Variants in TCF4 observed in about 807,000 individuals in gnomAD.
TCF4 encodes transcription factor 4.
A neutral mutation model predicts 82.1 loss-of-function variants in TCF4; 3 were observed. The ratio of observed to expected loss-of-function variants is 0.04; its 90% CI spans 0.02 to 0.09. The LOEUF is 0.09. Ranked by LOEUF, TCF4 falls within the 10% of genes least tolerant of loss-of-function variation. The pLI is 1.00. For missense variants in TCF4, 518 were observed against 852.7 expected, an observed-to-expected ratio of 0.61 and a Z score of 4.89; for synonymous variants, 276 against 309.6, an observed-to-expected ratio of 0.89 and a Z score of 1.14.
intron 10 of TCF4, among the ~76,000 whole-genome samples, chr18:55,270,575 C>G (rs1399403539): frequency 6.6e-6 from 1 of 152,110 alleles, no homozygotes; most frequent in Non-Finnish European, 1.5e-5. Flanking sequence ...AAATTAGGAC[C>G]ACATGACTTA....
chr18:55,395,249 G>C (rs1375721586), intron 6 of TCF4, among the ~76,000 whole-genome samples: 1 of 152,088 alleles, frequency 6.6e-6, no homozygotes, highest in Non-Finnish European at 1.5e-5. Context: ...AATTATATCA[G>C]ATACACCTCA....
intron 2 of TCF4, among the ~76,000 whole-genome samples, chr18:55,629,100 TA>T (rs201357784): frequency 0.012 from 1,789 of 152,254 alleles, 38 homozygotes; most frequent in African/African-American, 0.041. Flanking sequence ...AACAATCTTA[TA>T]AAAAATAATA....
chr18:55,534,828 G>GA (rs1435401349), intron 3 of TCF4, among the ~76,000 whole-genome samples: 3 of 152,310 alleles, frequency 2.0e-5, no homozygotes, highest in Admixed American at 2.0e-4. Flanking sequence ...GTGAATGAAT[G>GA]AAAAATATCA....
Position 55,635,172 on chromosome 18 carries a change from G to T in TCF4, c.195+531C>A, listed in dbSNP as rs1011537798. 7.2e-5 allele frequency among the ~76,000 whole-genome samples: 11 copies of T among 152,282 alleles called. No homozygotes were observed. The South Asian group carries it at 8.3e-4, about 11-fold the overall frequency. On this transcript the variant is annotated intron_variant, in intron 1 of 20. Coordinates refer to the TCF4 transcript ENST00000398339. Reference sequence around the variant, plus strand: ...AAGGAGACAGAGGAGCAGTGCAAAAGATTAGACAAGAGTCAACGCCTTGTA... The same window carrying T: ...AAGGAGACAGAGGAGCAGTGCAAAATATTAGACAAGAGTCAACGCCTTGTA...
intron 5 of TCF4, among the ~76,000 whole-genome samples, chr18:55,445,439 A>C (rs2095509317): frequency 6.6e-6 from 1 of 152,174 alleles, no homozygotes; most frequent in Non-Finnish European, 1.5e-5. Flanking sequence ...GGCGAAGAAG[A>C]AGCAAAAGCA....
intron 8 of TCF4, among the ~76,000 whole-genome samples, chr18:55,325,495 C>T (rs1216744265): frequency 1.3e-5 from 2 of 151,892 alleles, no homozygotes; most frequent in African/African-American, 4.8e-5. Flanking sequence ...ACCTAATGAA[C>T]ATCTACACAC....
At chr18:55,575,262 G>A (rs554298660) in intron 3 of TCF4, among the ~76,000 whole-genome samples, 1 of 152,308 alleles carries the variant, frequency 6.6e-6, no homozygotes, top group Admixed American at 6.5e-5. Flanking sequence ...GCATTCAATG[G>A]TTTGGGGCAC....
intron 3 of TCF4, among the ~76,000 whole-genome samples, chr18:55,560,995 T>C (rs2097350485): frequency 6.6e-6 from 1 of 152,280 alleles, no homozygotes; most frequent in African/African-American, 2.4e-5. Context: ...CTGGCTTTCA[T>C]TGCATGGCCC....
intron 12 of TCF4, 27 bp downstream of exon 12, chr18:55,261,439 T>A (rs777983917): frequency 3.2e-5 from 52 of 1,612,748 alleles, no homozygotes; most frequent in Non-Finnish European, 4.1e-5. Context: ...ATGGTACATA[T>A]GGAGTCCAAA....
intron 5 of TCF4, among the ~76,000 whole-genome samples, chr18:55,405,694 G>C (rs1262889387): frequency 2.0e-5 from 3 of 152,062 alleles, no homozygotes; most frequent in Admixed American, 1.3e-4. Flanking sequence ...AAAGGAGAGA[G>C]AGAATAAGTA....
chr18:55,623,472 T>A (rs1315904075), intron 2 of TCF4, among the ~76,000 whole-genome samples: 1 of 152,234 alleles, frequency 6.6e-6, no homozygotes, highest in Non-Finnish European at 1.5e-5. Context: ...ACTGTATATA[T>A]GTTTTTACAA....
chr18:55,318,631 T>C (rs969768527), intron 8 of TCF4, among the ~76,000 whole-genome samples: 1 of 152,188 alleles, frequency 6.6e-6, no homozygotes, highest in Middle Eastern at 3.2e-3. Context: ...TACGATTTTT[T>C]GTTAAGTATT....
chr18:55,351,221 T>C (rs1208784920), intron 6 of TCF4: 4 of 545,040 alleles, frequency 7.3e-6, no homozygotes, highest in Non-Finnish European at 1.3e-5. Context: ...GGAAAGTAGA[T>C]GATTCCCTTT....
intron 11 of TCF4, among the ~76,000 whole-genome samples, chr18:55,262,923 C>A (rs2058348479): frequency 6.6e-6 from 1 of 152,142 alleles, no homozygotes; most frequent in Non-Finnish European, 1.5e-5. Flanking sequence ...TCTCCTGCCT[C>A]AGCCTCCTGA....
At chr18:55,372,986 A>G (rs1354757549) in intron 6 of TCF4, among the ~76,000 whole-genome samples, 2 of 152,158 alleles carry the variant, frequency 1.3e-5, no homozygotes, top group Non-Finnish European at 2.9e-5. Flanking sequence ...AGAAAAAAAA[A>G]GACCTTTTTT....
Position 55,422,205 on chromosome 18 carries a change from C to T in TCF4, c.305-18687G>A, listed in dbSNP as rs1355764282. 1.9e-5 allele frequency: 19 copies of T among 981,778 alleles called. No individual in the cohort carries two copies. In the Admixed American group the frequency reaches 6.3e-4, roughly 33 times the overall value. The allele number at this position is 981,778 out of a possible 1,614,324, so 60.8% of individuals were successfully genotyped here. A position where few individuals can be genotyped will look rare whatever the true frequency, so the allele number is the denominator to read the frequency against. Reference sequence around the variant, plus strand: ...TTTTCTTTCGACCTTATGGGTAGCACGCCGAGGGAGGCACCAGAAGATCTA... The same window carrying T: ...TTTTCTTTCGACCTTATGGGTAGCATGCCGAGGGAGGCACCAGAAGATCTA... On this transcript the variant is annotated intron_variant, in intron 5 of 19. Coordinates refer to ENST00000354452, the MANE Select transcript of TCF4 (RefSeq NM_001083962.2).
chr18:55,309,332 T>C (rs2071470334), intron 8 of TCF4, among the ~76,000 whole-genome samples: 2 of 151,756 alleles, frequency 1.3e-5, no homozygotes, highest in Admixed American at 1.3e-4. Context: ...ATGTTGATCA[T>C]GTTGATCTTG....
chr18:55,534,649 C>G (rs2097099708), intron 3 of TCF4, among the ~76,000 whole-genome samples: 1 of 152,196 alleles, frequency 6.6e-6, no homozygotes, highest in African/African-American at 2.4e-5. Flanking sequence ...CCCTACTGCT[C>G]TTTGTACAAG....
chr18:55,534,138 T>C (rs1461609918), intron 3 of TCF4, among the ~76,000 whole-genome samples: 2 of 152,236 alleles, frequency 1.3e-5, no homozygotes, highest in African/African-American at 2.4e-5. Flanking sequence ...TTTTTGATAA[T>C]TTTGTGCATA....
Sources: allele counts gnomAD v4.1 joint callset (sites outside exome capture counted in the v4.1 genomes callset), GRCh38; gene constraint gnomAD v4.1.1; transcripts MANE v1.5; gene names NCBI Gene and HGNC (gene_info 2026-07-23, HGNC 2026-07-21).